The following NKAIN3 variants were observed in gnomAD, a reference collection of about 807,000 sequenced individuals.
The protein encoded by NKAIN3 is sodium/potassium transporting ATPase interacting 3.
A neutral mutation model predicts 30.2 loss-of-function variants in NKAIN3; 25 were observed. The ratio of observed to expected loss-of-function variants is 0.83; its 90% CI spans 0.60 to 1.16. The LOEUF is 1.16. Among genes scored for constraint, NKAIN3 ranks in the 50% most tolerant of loss-of-function variants. The probability of loss-of-function intolerance (pLI) is 0.00; values close to 1 mark genes in which losing one functional copy is unlikely to be tolerated. For missense variants in NKAIN3, 225 were observed against 254.1 expected (o/e 0.89, Z 0.78); for synonymous variants, 91 against 89.6 (o/e 1.02, Z -0.09).
At chr8:62,962,290 CCTT>C (rs1823590361) in intron 6 of NKAIN3, among the ~76,000 whole-genome samples, 1 of 152,050 alleles carries the variant, frequency 6.6e-6, no homozygotes. Flanking sequence ...TTTATATTTA[CCTT>C]GTTATTAGTG....
Position 62,460,334 on chromosome 8 carries a change from C to T in NKAIN3, c.55-119205C>T, listed in dbSNP as rs1805956496. On this transcript the variant is annotated intron_variant, in intron 1 of 6. Transcript: ENST00000623646. ...GGCTGAGGCAGGAGAATCACTTGAA[C>T]CCAGGAGGCTGGGTTGCCGTGAGCT... is the stretch of plus-strand genomic sequence containing the variant. Among the ~76,000 whole-genome samples, 3 of 151,514 alleles carry T rather than the reference C, an allele frequency of 2.0e-5. No individual in the cohort carries two copies. The South Asian group carries it at 6.3e-4, about 32-fold the overall frequency.
chr8:62,512,619 TA>T (rs1422151349), intron 1 of NKAIN3, among the ~76,000 whole-genome samples: 1 of 152,152 alleles, frequency 6.6e-6, no homozygotes, highest in Admixed American at 6.6e-5. Flanking sequence ...TCCTTTCATC[TA>T]GAAGTGACAT....
chr8:62,657,429 G>T (rs1310158131), intron 3 of NKAIN3, among the ~76,000 whole-genome samples: 1 of 152,128 alleles, frequency 6.6e-6, no homozygotes, highest in Non-Finnish European at 1.5e-5. Flanking sequence ...CCAATCTCAA[G>T]AGCAAGAGAA....
chr8:62,831,294 C>T (rs116472722), intron 4 of NKAIN3, among the ~76,000 whole-genome samples: 79 of 152,166 alleles, frequency 5.2e-4, no homozygotes, highest in African/African-American at 1.3e-3. Flanking sequence ...CCAGATGAGA[C>T]GGAACCAGCA....
At chr8:62,716,310 A>G (rs1814902320) in intron 3 of NKAIN3, among the ~76,000 whole-genome samples, 1 of 152,228 alleles carries the variant, frequency 6.6e-6, no homozygotes, top group East Asian at 1.9e-4. Context: ...TAAGAATCAA[A>G]TATGATAATA....
At chr8:62,282,546 A>G (rs1359876031) in intron 1 of NKAIN3, among the ~76,000 whole-genome samples, 1 of 152,204 alleles carries the variant, frequency 6.6e-6, no homozygotes, top group Non-Finnish European at 1.5e-5. Flanking sequence ...CTTTATCAAA[A>G]GGATTTGTTG....
chr8:62,737,015 T>G (rs1815695779), intron 3 of NKAIN3, among the ~76,000 whole-genome samples: 1 of 152,196 alleles, frequency 6.6e-6, no homozygotes, highest in Non-Finnish European at 1.5e-5. Flanking sequence ...GACATCCCTC[T>G]TCCACCCATT....
intron 4 of NKAIN3, among the ~76,000 whole-genome samples, chr8:62,896,497 G>T (rs1821432881): frequency 6.6e-6 from 1 of 152,116 alleles, no homozygotes; most frequent in South Asian, 2.1e-4. Context: ...ATCTCAGGCA[G>T]ATTTTTTCCA....
intron 4 of NKAIN3, among the ~76,000 whole-genome samples, chr8:62,819,604 C>A (rs1322314298): frequency 6.6e-6 from 1 of 151,840 alleles, no homozygotes; most frequent in Non-Finnish European, 1.5e-5. Context: ...CAGTTAGGTA[C>A]CAGCCATGTC....
chr8:62,569,293 A>T (rs1396586909), intron 1 of NKAIN3, among the ~76,000 whole-genome samples: 1 of 152,190 alleles, frequency 6.6e-6, no homozygotes, highest in Non-Finnish European at 1.5e-5. Flanking sequence ...GAGCTCTGAA[A>T]ATAATACTCT....
chr8:62,301,927 T>C (rs533813298), intron 1 of NKAIN3, among the ~76,000 whole-genome samples: 8 of 152,196 alleles, frequency 5.3e-5, no homozygotes, highest in Admixed American at 1.3e-4. Context: ...TGGAAAGCCT[T>C]ACTCCATGCT....
chr8:62,613,860 A>T (rs1045309309), intron 3 of NKAIN3, among the ~76,000 whole-genome samples: 1 of 152,022 alleles, frequency 6.6e-6, no homozygotes, highest in Non-Finnish European at 1.5e-5. Flanking sequence ...TTTCTGCTTT[A>T]TTCTTTTTAA....
At chr8:62,517,706 C>T (rs183628298) in intron 1 of NKAIN3, among the ~76,000 whole-genome samples, 1 of 152,104 alleles carries the variant, frequency 6.6e-6, no homozygotes, top group African/African-American at 2.4e-5. Flanking sequence ...ACCCATAACA[C>T]AAAATCCTTC....
chr8:62,899,747 G>T (rs1420425583), intron 4 of NKAIN3, among the ~76,000 whole-genome samples: 1 of 152,068 alleles, frequency 6.6e-6, no homozygotes, highest in Non-Finnish European at 1.5e-5. Context: ...GTATAATTTG[G>T]ATTGTTTGTA....
chr8:62,290,384 A>G (rs1813550931), intron 1 of NKAIN3, among the ~76,000 whole-genome samples: 1 of 152,172 alleles, frequency 6.6e-6, no homozygotes, highest in Non-Finnish European at 1.5e-5. Context: ...TGGGTTTGTC[A>G]TAAATAGCTC....
At position 62,975,290 on chromosome 8, in the gene NKAIN3, T is replaced by C. The variant is rs1289343564; in HGVS notation, c.*9883T>C. Among the ~76,000 whole-genome samples, 1 of 152,078 alleles carries C rather than the reference T, an allele frequency of 6.6e-6. No homozygotes were observed. The highest frequency in any genetic ancestry group is 2.4e-5 in the African/African-American group (1 of 41,432). ...GTTCAGCTATGAGTCCATCTGGTCC[T>C]GGGCTTTTTTTTTTAGTTGGTCAGC... is the stretch of plus-strand genomic sequence containing the variant. On this transcript the variant is annotated 3_prime_UTR_variant, in exon 7 of 7. Coordinates refer to ENST00000623646, the MANE Select transcript of NKAIN3 (RefSeq NM_001304533.3).
intron 3 of NKAIN3, among the ~76,000 whole-genome samples, chr8:62,617,506 G>A (rs1811494158): frequency 6.6e-6 from 1 of 152,192 alleles, no homozygotes; most frequent in Non-Finnish European, 1.5e-5. Context: ...TTGAAGCCAA[G>A]TAAAAAGAAA....
intron 1 of NKAIN3, among the ~76,000 whole-genome samples, chr8:62,500,424 GGAAAGAAAGAAAGAAA>G (rs372867878): frequency 0.037 from 3,866 of 103,654 alleles, 90 homozygotes; most frequent in African/African-American, 0.05. Flanking sequence ...AAGGAAGAAA[GGAAAGAAAGAAAGAAA>G]GAAAGAAAGA....
chr8:62,792,172 C>G (rs1035984297), intron 4 of NKAIN3, among the ~76,000 whole-genome samples: 2 of 152,066 alleles, frequency 1.3e-5, no homozygotes, highest in Non-Finnish European at 2.9e-5. Context: ...TCCTGTCTTC[C>G]TTTCTGCATC....
Sources: allele counts gnomAD v4.1 joint callset (sites outside exome capture counted in the v4.1 genomes callset), GRCh38; gene constraint gnomAD v4.1.1; transcripts MANE v1.5; gene names NCBI Gene and HGNC (gene_info 2026-07-23, HGNC 2026-07-21).